SOX5: variants seen among roughly 807,000 people sequenced by gnomAD.
SOX5 encodes the protein transcription factor SOX-5.
A neutral mutation model predicts 92.0 loss-of-function variants in SOX5; 9 were observed. The observed-to-expected ratio is 0.10, with a 90% CI of 0.06 to 0.17. The LOEUF is 0.17. Among genes scored for constraint, SOX5 ranks in the 10% least tolerant of loss-of-function variants. The pLI is 1.00. For synonymous variants in SOX5, 344 were observed against 336.3 expected, an observed-to-expected ratio of 1.02 and a Z score of -0.25; for missense variants, 642 against 944.5, an observed-to-expected ratio of 0.68 and a Z score of 4.20.
At position 23,530,921 on chromosome 12, in the gene SOX5, T is replaced by C. The variant is rs1326770166; in HGVS notation, c.*3298A>G. 2 of 151,250 alleles carry C rather than the reference T, an allele frequency of 1.3e-5. No homozygotes were observed. The highest frequency in any genetic ancestry group is 2.4e-5 in the African/African-American group (1 of 41,258). 9.4% of individuals were successfully genotyped at this position (151,250 alleles called of 1,614,324 possible). A position where few individuals can be genotyped will look rare whatever the true frequency, so the allele number is the denominator to read the frequency against. On this transcript the variant is annotated 3_prime_UTR_variant, in exon 15 of 15. Transcript: ENST00000451604. The stretch of plus-strand genomic sequence containing the variant: ...GACAGGAAGGAGACTGTTTATGTTT[T>C]AGTTTGATCTTTTGATCTTACTCTC...
At chr12:23,551,284 T>C (rs1248848509) in intron 11 of SOX5, among the ~76,000 whole-genome samples, 3 of 151,928 alleles carry the variant, frequency 2.0e-5, no homozygotes, top group Non-Finnish European at 2.9e-5. Flanking sequence ...AGATTACTTA[T>C]AATGTCATAA....
At chr12:24,443,233 G>C (rs1057329437) in intron 1 of SOX5, among the ~76,000 whole-genome samples, 2 of 152,134 alleles carry the variant, frequency 1.3e-5, no homozygotes, top group African/African-American at 4.8e-5. Flanking sequence ...GATCACAGGC[G>C]TGAGCCACCA....
intron 1 of SOX5, among the ~76,000 whole-genome samples, chr12:24,493,036 T>G (rs1249349965): frequency 3.9e-5 from 6 of 152,196 alleles, no homozygotes; most frequent in Non-Finnish European, 8.8e-5. Flanking sequence ...TTTTACAAGC[T>G]GGTTTACCAA....
At chr12:24,387,220 T>G (rs1488294652) in intron 1 of SOX5, among the ~76,000 whole-genome samples, 1 of 152,228 alleles carries the variant, frequency 6.6e-6, no homozygotes, top group Non-Finnish European at 1.5e-5. Context: ...CATGGTCATT[T>G]GAGTAACTTT....
chr12:24,479,428 GTA>G (rs1945734596), intron 1 of SOX5, among the ~76,000 whole-genome samples: 2 of 152,260 alleles, frequency 1.3e-5, no homozygotes, highest in Admixed American at 1.3e-4. Flanking sequence ...ACATAAATAT[GTA>G]TGACCTCATT....
intron 4 of SOX5, among the ~76,000 whole-genome samples, chr12:24,020,493 T>C (rs1395578324): frequency 6.6e-6 from 1 of 152,142 alleles, no homozygotes; most frequent in Non-Finnish European, 1.5e-5. Flanking sequence ...AGCCTCTTCA[T>C]CCCTCAATGT....
chr12:24,197,230 G>A (rs1250757734), intron 4 of SOX5, among the ~76,000 whole-genome samples: 4 of 152,110 alleles, frequency 2.6e-5, no homozygotes, highest in Non-Finnish European at 5.9e-5. Flanking sequence ...CCCCTTAAAA[G>A]CAGATCTGTG....
intron 9 of SOX5, among the ~76,000 whole-genome samples, chr12:23,603,445 A>AATATATATATATATATATAAAAT (rs2074793758): frequency 8.0e-6 from 1 of 124,858 alleles, no homozygotes; most frequent in East Asian, 2.2e-4. Context: ...ATATATATAA[A>AATATATATATATATATATAAAAT]ATATATATAT....
At chr12:23,990,074 G>C (rs1950425493) in intron 4 of SOX5, among the ~76,000 whole-genome samples, 1 of 152,000 alleles carries the variant, frequency 6.6e-6, no homozygotes, top group Non-Finnish European at 1.5e-5. Context: ...AGAAAAAAAG[G>C]GAAAGAGGGA....
chr12:23,533,049 T>C lies in SOX5; in HGVS notation c.*1170A>G. The C allele has an allele frequency of 2.7e-6, 1 of 376,366 alleles. No homozygotes were observed. Among genetic ancestry groups the C allele is most frequent in the Non-Finnish European group, 5.5e-6 (1 of 182,010 alleles). 23.3% of individuals were successfully genotyped at this position (376,366 alleles called of 1,614,324 possible). A position where few individuals can be genotyped will look rare whatever the true frequency, so the allele number is the denominator to read the frequency against. On this transcript the variant is annotated 3_prime_UTR_variant, in exon 15 of 15. Transcript: ENST00000451604. ...ACCTCTATTACACAGGGCCACCTGATCCATCCAATAATAATCAGACATTTA... is the reference window on the plus strand; with the variant it reads ...ACCTCTATTACACAGGGCCACCTGACCCATCCAATAATAATCAGACATTTA...
chr12:23,869,823 C>A (rs1441808030), intron 2 of SOX5, among the ~76,000 whole-genome samples: 1 of 152,102 alleles, frequency 6.6e-6, no homozygotes, highest in African/African-American at 2.4e-5. Context: ...CCCCCATATA[C>A]TCCCATGACA....
At chr12:23,634,900 A>G (rs1321545901) in intron 8 of SOX5, among the ~76,000 whole-genome samples, 1 of 152,224 alleles carries the variant, frequency 6.6e-6, no homozygotes, top group African/African-American at 2.4e-5. Flanking sequence ...TGAATAATTT[A>G]TTGAAAATAC....
chr12:23,640,547 A>G (rs1331102140), intron 8 of SOX5, among the ~76,000 whole-genome samples: 2 of 152,216 alleles, frequency 1.3e-5, no homozygotes, highest in African/African-American at 4.8e-5. Context: ...TATGGCACGC[A>G]GTAATCAAAG....
chr12:23,844,623 T>C (rs554927512), intron 3 of SOX5, among the ~76,000 whole-genome samples: 2 of 152,276 alleles, frequency 1.3e-5, no homozygotes, highest in South Asian at 4.1e-4. Context: ...AGAAAAAAGT[T>C]TTTTAAGTTT....
intron 3 of SOX5, among the ~76,000 whole-genome samples, chr12:23,828,974 C>T (rs1466599828): frequency 6.6e-6 from 1 of 152,118 alleles, no homozygotes; most frequent in Admixed American, 6.6e-5. Context: ...CATATTTGTC[C>T]TCAACATCAA....
rs139214850 is a variant in SOX5, at chr12:23,972,900, C to T, written c.-1-76876G>A. 5.3e-3 allele frequency among the ~76,000 whole-genome samples: 806 copies of T among 152,098 alleles called. 25 individuals carry two copies. The highest frequency in any genetic ancestry group is 0.042 in the Admixed American group (640 of 15,244). On this transcript the variant is annotated intron_variant, in intron 4 of 4. Coordinates refer to the SOX5 transcript ENST00000446891. ...GTGACCACCATGCAGTGCAATAGATCACTAAAACTATTCCTCTAGTCTAAC... is the reference window on the plus strand; with the variant it reads ...GTGACCACCATGCAGTGCAATAGATTACTAAAACTATTCCTCTAGTCTAAC...
In SOX5 at chr12:24,435,002, C is replaced by G. The variant is rs564581475; in HGVS notation, c.-250-66363G>C. ...CCACTGTCTCACGTAAAAGAATGCC[C>G]TTTCCTTTTGGAGACTACATTGCAG... On this transcript the variant is annotated intron_variant, in intron 1 of 4. Transcript: ENST00000446891. Among the ~76,000 whole-genome samples, 107 of 152,310 alleles carry G rather than the reference C, an allele frequency of 7.0e-4. 1 individual carries two copies. The highest frequency in any genetic ancestry group is 2.4e-3 in the African/African-American group (100 of 41,566).
intron 6 of SOX5, among the ~76,000 whole-genome samples, chr12:23,666,323 A>G (rs1273761642): frequency 6.6e-6 from 1 of 152,094 alleles, no homozygotes; most frequent in Non-Finnish European, 1.5e-5. Flanking sequence ...TTTGGAATAT[A>G]CTCTAATTTG....
intron 7 of SOX5, among the ~76,000 whole-genome samples, chr12:23,655,547 C>T (rs1281363988): frequency 6.6e-6 from 1 of 152,080 alleles, no homozygotes; most frequent in Non-Finnish European, 1.5e-5. Context: ...TTTTATTTCC[C>T]ACTTTTAATA....
Sources: allele counts gnomAD v4.1 joint callset (sites outside exome capture counted in the v4.1 genomes callset), GRCh38; gene constraint gnomAD v4.1.1; transcripts MANE v1.5; gene names NCBI Gene and HGNC (gene_info 2026-07-23, HGNC 2026-07-21).